ENOX1: variants seen among roughly 807,000 people sequenced by gnomAD.
ENOX1 encodes the protein candidate growth-related and time keeping constitutive hydroquinone (NADH) oxidase.
A neutral mutation model predicts 82.5 loss-of-function variants in ENOX1; 42 were observed. The observed-to-expected ratio is 0.51, with a 90% CI of 0.40 to 0.66. ENOX1 has a LOEUF of 0.66. Ranked by LOEUF, ENOX1 falls within the 30% of genes least tolerant of loss-of-function variation. ENOX1 has a pLI of 0.00. For missense variants in ENOX1, 608 were observed against 811.6 expected, an observed-to-expected ratio of 0.75 and a Z score of 3.05; for synonymous variants, 271 against 282.2, an observed-to-expected ratio of 0.96 and a Z score of 0.40.
intron 2 of ENOX1, among the ~76,000 whole-genome samples, chr13:43,526,239 C>T (rs571360564): frequency 8.9e-4 from 136 of 152,150 alleles, no homozygotes; most frequent in Non-Finnish European, 1.5e-3. Context: ...CAGCTCACTA[C>T]AGCACAATTC....
intron 2 of ENOX1, among the ~76,000 whole-genome samples, chr13:43,531,580 A>G (rs1044139748): frequency 6.8e-6 from 1 of 147,772 alleles, no homozygotes; most frequent in African/African-American, 2.5e-5. Flanking sequence ...CTGGGTATAT[A>G]CCCAAAGGAT....
intron 15 of ENOX1, among the ~76,000 whole-genome samples, chr13:43,232,897 G>T (rs953444273): frequency 5.9e-5 from 9 of 152,108 alleles, no homozygotes; most frequent in African/African-American, 1.9e-4. Context: ...GAGTGATACG[G>T]ACCCAGAGAG....
At chr13:43,356,844 G>A (rs759689068) in intron 7 of ENOX1, among the ~76,000 whole-genome samples, 8 of 152,078 alleles carry the variant, frequency 5.3e-5, no homozygotes, top group Non-Finnish European at 1.2e-4. Context: ...CAGCCCTGCA[G>A]CACCTCATCT....
At chr13:43,710,414 A>G (rs419789) in intron 1 of ENOX1, among the ~76,000 whole-genome samples, 120,582 of 152,098 alleles carry the variant, frequency 0.79, 49,912 homozygotes, top group South Asian at 0.93. Flanking sequence ...ACAATGATTC[A>G]TGTTAAAAAT....
chr13:43,561,458 C>G, intron 2 of ENOX1, among the ~76,000 whole-genome samples: 1 of 152,078 alleles, frequency 6.6e-6, no homozygotes. Context: ...ACAGTGCCAT[C>G]AGAATAAGAA....
intron 2 of ENOX1, among the ~76,000 whole-genome samples, chr13:43,557,365 C>T (rs987789989): frequency 1.3e-5 from 2 of 152,146 alleles, no homozygotes; most frequent in East Asian, 3.9e-4. Flanking sequence ...TTTCAGAAGA[C>T]CCAGGGACAA....
intron 2 of ENOX1, among the ~76,000 whole-genome samples, chr13:43,505,329 A>C (rs943310843): frequency 5.9e-5 from 9 of 151,986 alleles, no homozygotes; most frequent in Admixed American, 4.6e-4. Context: ...AGTACATGTG[A>C]GAAGAAAGGA....
intron 5 of ENOX1, among the ~76,000 whole-genome samples, chr13:43,380,505 A>G (rs904657764): frequency 4.0e-5 from 6 of 151,760 alleles, no homozygotes; most frequent in Non-Finnish European, 8.9e-5. Context: ...AAATTGGAAT[A>G]AAAAACAGAA....
At chr13:43,334,508 G>A (rs145073807) in intron 9 of ENOX1, among the ~76,000 whole-genome samples, 4 of 152,226 alleles carry the variant, frequency 2.6e-5, no homozygotes, top group African/African-American at 7.2e-5. Context: ...TGATTGAATC[G>A]CAAGATGAGA....
At chr13:43,372,595 T>C (rs2051316040) in intron 5 of ENOX1, among the ~76,000 whole-genome samples, 1 of 152,004 alleles carries the variant, frequency 6.6e-6, no homozygotes, top group Admixed American at 6.5e-5. Context: ...TACTACAACC[T>C]AACAGGAACA....
chr13:43,527,041 C>T (rs557358517), intron 2 of ENOX1, among the ~76,000 whole-genome samples: 1 of 152,124 alleles, frequency 6.6e-6, no homozygotes, highest in South Asian at 2.1e-4. Context: ...CTTGCCAGAG[C>T]CTTGTTCTTG....
chr13:43,221,249 C>T (rs1412317808), intron 16 of ENOX1, among the ~76,000 whole-genome samples: 3 of 152,164 alleles, frequency 2.0e-5, no homozygotes, highest in African/African-American at 7.2e-5. Flanking sequence ...GCCTTCATCT[C>T]CTAAAGGATA....
intron 3 of ENOX1, among the ~76,000 whole-genome samples, chr13:43,429,074 G>A (rs1387224317): frequency 1.3e-5 from 2 of 152,124 alleles, no homozygotes; most frequent in Non-Finnish European, 2.9e-5. Flanking sequence ...CCTAAGAAAC[G>A]TGCACAGCAG....
intron 1 of ENOX1, among the ~76,000 whole-genome samples, chr13:43,693,389 A>G (rs2086470494): frequency 6.6e-6 from 1 of 152,168 alleles, no homozygotes; most frequent in Admixed American, 6.5e-5. Flanking sequence ...AATTATACCA[A>G]CCACAACCAA....
intron 14 of ENOX1, among the ~76,000 whole-genome samples, chr13:43,262,153 A>G (rs1199942257): frequency 6.6e-6 from 1 of 152,162 alleles, no homozygotes; most frequent in Non-Finnish European, 1.5e-5. Context: ...ACTGGAAAAA[A>G]CTAAAATAAA....
rs1008073317 is a variant in ENOX1, at chr13:43,705,285, C to CA, written c.-284-37742dup. Among the ~76,000 whole-genome samples the CA allele has an allele frequency of 6.1e-4, 89 of 145,068 alleles. 1 individual carries two copies. The highest frequency in any genetic ancestry group is 2.1e-3 in the African/African-American group (85 of 39,608). ...TGAGTGACAGAGTGGGACTCCATCT[C>CA]AAAAAACAAACAAACAACAACTCTC... On this transcript the variant is annotated intron_variant, in intron 1 of 16. Coordinates refer to ENST00000690772, the MANE Select transcript of ENOX1 (RefSeq NM_001347969.2).
rs1246944329 is a variant in ENOX1 at position 43,220,117 on chromosome 13, A to C, written c.1800+3936T>G. ...AGAAAGAAGGAAAAGAGGAAAGAAGACAAGAAGTCAGGAATTCGAAGGAGT... is the reference window on the plus strand; with the variant it reads ...AGAAAGAAGGAAAAGAGGAAAGAAGCCAAGAAGTCAGGAATTCGAAGGAGT... On this transcript the variant is annotated intron_variant, in intron 16 of 16. Coordinates refer to ENST00000690772, the MANE Select transcript of ENOX1 (RefSeq NM_001347969.2). Among the ~76,000 whole-genome samples, 24 of 152,194 alleles carry C rather than the reference A, an allele frequency of 1.6e-4. 1 individual carries two copies. Among genetic ancestry groups the C allele is most frequent in the Non-Finnish European group, 2.9e-5 (2 of 68,036 alleles).
At chr13:43,262,205 T>A (rs933014982) in intron 14 of ENOX1, among the ~76,000 whole-genome samples, 1 of 152,056 alleles carries the variant, frequency 6.6e-6, no homozygotes, top group African/African-American at 2.4e-5. Flanking sequence ...ATACCAAGAT[T>A]TTTTTTCCTT....
At chr13:43,371,487 A>T (rs1018810974) in intron 5 of ENOX1, among the ~76,000 whole-genome samples, 1 of 152,220 alleles carries the variant, frequency 6.6e-6, no homozygotes, top group Non-Finnish European at 1.5e-5. Context: ...AGTATTTATA[A>T]CAGCAGAGAT....
Sources: allele counts gnomAD v4.1 joint callset (sites outside exome capture counted in the v4.1 genomes callset), GRCh38; gene constraint gnomAD v4.1.1; transcripts MANE v1.5; gene names NCBI Gene and HGNC (gene_info 2026-07-23, HGNC 2026-07-21).